ST6GAL1: variants seen among roughly 807,000 people sequenced by gnomAD.
ST6GAL1 encodes the protein beta-galactoside alpha-2,6-sialyltransferase 1.
In ST6GAL1, 20 loss-of-function variants were observed where a neutral mutation model predicts 38.0. The ratio of observed to expected loss-of-function variants is 0.53; its 90% CI spans 0.37 to 0.77. The LOEUF (loss-of-function observed/expected upper bound fraction) is 0.77. Ranked by LOEUF, ST6GAL1 falls within the 30% of genes least tolerant of loss-of-function variation. The pLI is 0.00. For synonymous variants in ST6GAL1, 196 were observed against 188.2 expected, an observed-to-expected ratio of 1.04 and a Z score of -0.34; for missense variants, 432 against 496.4, an observed-to-expected ratio of 0.87 and a Z score of 1.23.
At chr3:187,070,337 C>A (rs528455614) in intron 5 of ST6GAL1, among the ~76,000 whole-genome samples, 2 of 151,682 alleles carry the variant, frequency 1.3e-5, no homozygotes, top group African/African-American at 4.8e-5. Flanking sequence ...CAGGGGTTTG[C>A]ACGTGGTTCC....
intron 2 of ST6GAL1, chr3:186,996,638 A>T (rs1716418203): frequency 6.6e-6 from 1 of 152,292 alleles, no homozygotes; most frequent in South Asian, 2.1e-4. Flanking sequence ...GCAAGAAGGC[A>T]ACGACGTTCC....
rs553241559 is a variant in ST6GAL1, at chr3:186,960,546, C to G, written c.-324-3239C>G. The stretch of plus-strand genomic sequence containing the variant: ...CAGAGCGTTATGAATTAAGTGGAAA[C>G]TATATTAAAATGGCCAGGAAGCACG... On this transcript the variant is annotated intron_variant, in intron 1 of 7. Coordinates refer to ENST00000169298, the MANE Select transcript of ST6GAL1 (RefSeq NM_173216.2). Among the ~76,000 whole-genome samples, 3 of 151,932 alleles carry G rather than the reference C, an allele frequency of 2.0e-5. No individual in the cohort carries two copies. In the East Asian group the frequency reaches 5.8e-4, roughly 29 times the overall value.
At chr3:187,072,761 C>T in intron 5 of ST6GAL1, 88 bp from the exon 6 acceptor site, 1 of 1,168,756 alleles carries the variant, frequency 8.6e-7, no homozygotes, top group South Asian at 1.2e-5. Context: ...GGGCCTCAGG[C>T]TGTACCTTGT....
At chr3:186,961,026 G>A (rs1268154793) in intron 1 of ST6GAL1, among the ~76,000 whole-genome samples, 1 of 149,970 alleles carries the variant, frequency 6.7e-6, no homozygotes, top group East Asian at 2.0e-4. Context: ...CTGGAGTGCA[G>A]TGATTGATCT....
intron 7 of ST6GAL1, among the ~76,000 whole-genome samples, chr3:187,074,755 C>T (rs1001703107): frequency 3.3e-5 from 5 of 151,836 alleles, no homozygotes; most frequent in African/African-American, 7.3e-5. Context: ...AAATGAGGAG[C>T]GGGGCTGCAC....
intron 4 of ST6GAL1, chr3:187,043,850 T>G (rs1343067536): frequency 6.6e-6 from 1 of 152,334 alleles, no homozygotes; most frequent in East Asian, 1.9e-4. Flanking sequence ...TCCTGATTAG[T>G]GGAGGACTCT....
chr3:187,008,435 C>G (rs1429167391), intron 2 of ST6GAL1, among the ~76,000 whole-genome samples: 1 of 151,992 alleles, frequency 6.6e-6, no homozygotes, highest in African/African-American at 2.4e-5. Context: ...CATCCAAAAC[C>G]ATGGTGGCCA....
intron 2 of ST6GAL1, among the ~76,000 whole-genome samples, chr3:186,969,650 A>C (rs996368651): frequency 2.0e-5 from 3 of 152,244 alleles, no homozygotes; most frequent in Non-Finnish European, 4.4e-5. Context: ...GGAAGCAAGT[A>C]AGCTAATTAT....
At chr3:186,972,455 G>T (rs1352681852) in intron 2 of ST6GAL1, among the ~76,000 whole-genome samples, 1 of 152,004 alleles carries the variant, frequency 6.6e-6, no homozygotes, top group African/African-American at 2.4e-5. Context: ...TTGCCATGTT[G>T]ACCAGGCTGG....
intron 1 of ST6GAL1, among the ~76,000 whole-genome samples, chr3:186,943,010 C>A (rs1054067147): frequency 1.3e-5 from 2 of 152,140 alleles, no homozygotes; most frequent in Non-Finnish European, 2.9e-5. Context: ...GACTGCAGTG[C>A]TCATTTTTAG....
chr3:186,990,917 T>C (rs757485090), intron 2 of ST6GAL1, among the ~76,000 whole-genome samples: 1 of 152,100 alleles, frequency 6.6e-6, no homozygotes, highest in Non-Finnish European at 1.5e-5. Context: ...CTCTCATGCT[T>C]GTCCGCCTCC....
At chr3:186,995,656 C>A (rs1463986887) in intron 2 of ST6GAL1, among the ~76,000 whole-genome samples, 2 of 151,874 alleles carry the variant, frequency 1.3e-5, no homozygotes, top group Non-Finnish European at 2.9e-5. Flanking sequence ...CCAACCTGGC[C>A]AACATGGCGA....
chr3:187,027,543 A>G (rs1717585963), intron 2 of ST6GAL1, among the ~76,000 whole-genome samples: 1 of 152,196 alleles, frequency 6.6e-6, no homozygotes, highest in African/African-American at 2.4e-5. Flanking sequence ...TCCTCTCTAC[A>G]GATAACAGAT....
Position 187,077,486 on chromosome 3 carries a change from A to G in ST6GAL1, c.*1683A>G, listed in dbSNP as rs1343531693. ...GAGCTGGGCTCCTCATTTACTGCCA[A>G]ACCCTCAGCTTATGTAGCTAGAAAG... is the stretch of plus-strand genomic sequence containing the variant. On this transcript the variant is annotated 3_prime_UTR_variant, in exon 8 of 8. Coordinates refer to ENST00000169298, the MANE Select transcript of ST6GAL1 (RefSeq NM_173216.2). The G allele has an allele frequency of 6.6e-6, 1 of 152,544 alleles. No individual in the cohort carries two copies. The highest frequency in any genetic ancestry group is 1.5e-5 in the Non-Finnish European group (1 of 68,324). The allele number at this position is 152,544 out of a possible 1,614,324, so 9.4% of individuals were successfully genotyped here. A position where few individuals can be genotyped will look rare whatever the true frequency, so the allele number is the denominator to read the frequency against.
chr3:187,022,310 A>C (rs2108565810), intron 2 of ST6GAL1, among the ~76,000 whole-genome samples: 1 of 152,100 alleles, frequency 6.6e-6, no homozygotes, highest in South Asian at 2.1e-4. Context: ...TTGTGGTGTG[A>C]GAGCAGAGGA....
chr3:187,013,743 CCTGA>C (rs1717030429), intron 2 of ST6GAL1, among the ~76,000 whole-genome samples: 1 of 152,136 alleles, frequency 6.6e-6, no homozygotes, highest in Non-Finnish European at 1.5e-5. Context: ...CGCCACCACG[CCTGA>C]CTAATTTTTG....
intron 1 of ST6GAL1, among the ~76,000 whole-genome samples, chr3:186,931,643 T>C (rs749321377): frequency 8.9e-4 from 136 of 152,286 alleles, no homozygotes; most frequent in Middle Eastern, 3.4e-3. Flanking sequence ...CTCCGGCGAT[T>C]GCCTCTGTGG....
At chr3:186,965,580 C>A (rs920253876) in intron 2 of ST6GAL1, among the ~76,000 whole-genome samples, 2 of 152,158 alleles carry the variant, frequency 1.3e-5, no homozygotes, top group Admixed American at 6.5e-5. Flanking sequence ...TGGTCCCACA[C>A]CCTCATTTTA....
chr3:187,072,409 CTA>C, intron 5 of ST6GAL1: 1 of 239,862 alleles, frequency 4.2e-6, no homozygotes, highest in Middle Eastern at 1.6e-3. Context: ...GTGAGAGAGC[CTA>C]TGTCAGTCTC....
Sources: gnomAD v4.1 joint callset for allele counts (sites outside exome capture counted in the v4.1 genomes callset) on GRCh38, gnomAD v4.1.1 for gene constraint, MANE v1.5 for transcripts, NCBI Gene and HGNC (gene_info 2026-07-23, HGNC 2026-07-21) for gene names.